The following UNC5C variants were observed in gnomAD, a reference collection of about 807,000 sequenced individuals.
UNC5C encodes netrin receptor UNC5C.
A neutral mutation model predicts 99.8 loss-of-function variants in UNC5C; 47 were observed. That is an observed-to-expected ratio of 0.47 (90% CI 0.37 to 0.60). The LOEUF is 0.60. Among genes scored for constraint, UNC5C ranks in the 20% least tolerant of loss-of-function variants. The probability of loss-of-function intolerance (pLI) is 0.00; values close to 1 mark genes in which losing one functional copy is unlikely to be tolerated. For missense variants in UNC5C, 1,062 were observed against 1,165.9 expected (o/e 0.91, Z 1.30); for synonymous variants, 487 against 452.2 (o/e 1.08, Z -0.98).
rs184368400 is a variant in UNC5C at position 95,439,474 on chromosome 4, A to G, written c.125-103843T>C. On this transcript the variant is annotated intron_variant, in intron 1 of 15. Coordinates refer to ENST00000453304, the MANE Select transcript of UNC5C (RefSeq NM_003728.4). ...ACAAGCATCCCCTTTGTTATTGGAT[A>G]TGGTTAGAGTCACAGATATGCTTTT... 2.1e-3 allele frequency among the ~76,000 whole-genome samples: 323 copies of G among 151,776 alleles called. 6 individuals are homozygous for G. The highest frequency in any genetic ancestry group is 0.016 in the Admixed American group (249 of 15,212).
intron 1 of UNC5C, among the ~76,000 whole-genome samples, chr4:95,341,443 T>A (rs931558993): frequency 1.4e-4 from 21 of 147,920 alleles, no homozygotes; most frequent in Non-Finnish European, 2.5e-4. Context: ...AATTATACCA[T>A]TTTTTTTATA....
intron 1 of UNC5C, among the ~76,000 whole-genome samples, chr4:95,537,394 G>A (rs1000150309): frequency 6.6e-6 from 1 of 152,106 alleles, no homozygotes; most frequent in East Asian, 1.9e-4. Flanking sequence ...GGAGGTTCTC[G>A]TAATACTTTA....
Position 95,183,284 on chromosome 4 carries a change from C to CT in UNC5C, c.2287-224dup, listed in dbSNP as rs1736691823. 2.0e-5 allele frequency among the ~76,000 whole-genome samples: 3 copies of CT among 151,928 alleles called. No homozygotes were observed. The South Asian group carries it at 6.2e-4, about 32-fold the overall frequency. On this transcript the variant is annotated intron_variant, in intron 13 of 15. Transcript: ENST00000453304. Reference sequence around the variant, plus strand: ...ATCACACAGCAAGTAAGTAGCAGGGCTGAGATTTGAACCTAAGGAGTCAGC... The same window carrying CT: ...ATCACACAGCAAGTAAGTAGCAGGGCTTGAGATTTGAACCTAAGGAGTCAGC...
intron 1 of UNC5C, among the ~76,000 whole-genome samples, chr4:95,450,487 T>A (rs1234780737): frequency 1.3e-5 from 2 of 152,232 alleles, no homozygotes; most frequent in Non-Finnish European, 2.9e-5. Flanking sequence ...ATTACAGGCA[T>A]AAGCCACTGC....
intron 7 of UNC5C, among the ~76,000 whole-genome samples, chr4:95,240,608 A>AT (rs1306196118): frequency 6.6e-6 from 1 of 151,606 alleles, no homozygotes; most frequent in African/African-American, 2.4e-5. Context: ...AAGAGACGTG[A>AT]TAAAAATACA....
intron 9 of UNC5C, among the ~76,000 whole-genome samples, chr4:95,216,815 T>C (rs1209386734): frequency 5.9e-5 from 9 of 152,250 alleles, no homozygotes; most frequent in Admixed American, 5.2e-4. Context: ...CTAAGCTAAC[T>C]GTGTCTGCTG....
At chr4:95,502,688 A>T (rs916293355) in intron 1 of UNC5C, among the ~76,000 whole-genome samples, 1 of 152,182 alleles carries the variant, frequency 6.6e-6, no homozygotes, top group Non-Finnish European at 1.5e-5. Context: ...CACTCAGTAC[A>T]TGTCAGTTAC....
At chr4:95,282,826 C>T (rs1373817400) in intron 3 of UNC5C, among the ~76,000 whole-genome samples, 1 of 152,038 alleles carries the variant, frequency 6.6e-6, no homozygotes, top group Non-Finnish European at 1.5e-5. Context: ...TTTATGGTCA[C>T]TTTTTACACA....
At chr4:95,384,124 A>G (rs1745145882) in intron 1 of UNC5C, among the ~76,000 whole-genome samples, 2 of 152,232 alleles carry the variant, frequency 1.3e-5, no homozygotes, top group Admixed American at 1.3e-4. Flanking sequence ...CTATGTTCCA[A>G]GCCCAAATAT....
intron 1 of UNC5C, among the ~76,000 whole-genome samples, chr4:95,478,481 C>A (rs557995959): frequency 2.6e-4 from 39 of 152,036 alleles, no homozygotes; most frequent in African/African-American, 9.4e-4. Context: ...TTCAAATTCA[C>A]CATATATCTC....
intron 11 of UNC5C, among the ~76,000 whole-genome samples, chr4:95,206,233 T>C (rs572945992): frequency 4.6e-5 from 7 of 151,886 alleles, no homozygotes; most frequent in Non-Finnish European, 2.9e-5. Flanking sequence ...ACTCCTGACC[T>C]CATGATCCGC....
intron 12 of UNC5C, among the ~76,000 whole-genome samples, chr4:95,185,882 G>A (rs1736809358): frequency 1.3e-5 from 2 of 152,114 alleles, no homozygotes; most frequent in Non-Finnish European, 2.9e-5. Flanking sequence ...GAACTAAACA[G>A]TTACTCCAAT....
rs1329457587 is a variant in UNC5C, at chr4:95,480,850, G to A, written c.124+67884C>T. Among the ~76,000 whole-genome samples the A allele has an allele frequency of 2.6e-5, 4 of 151,910 alleles. No homozygotes were observed. The East Asian group carries it at 7.8e-4, about 30-fold the overall frequency. On this transcript the variant is annotated intron_variant, in intron 1 of 15. Coordinates refer to ENST00000453304, the MANE Select transcript of UNC5C (RefSeq NM_003728.4). ...CTCTCAATAAATTAGGTATTGATGG[G>A]ACGTATCTCAAAATAATAAGAGCTA...
chr4:95,514,656 T>G (rs1043251403), intron 1 of UNC5C, among the ~76,000 whole-genome samples: 2 of 148,662 alleles, frequency 1.3e-5, no homozygotes, highest in African/African-American at 4.9e-5. Context: ...TATATATATA[T>G]ATACATATAT....
chr4:95,206,492 T>A lies in UNC5C; in HGVS notation c.1902+136A>T. 3 of 1,276,018 alleles carry A rather than the reference T, an allele frequency of 2.4e-6. No homozygotes were observed. The Admixed American group carries it at 6.6e-5, about 28-fold the overall frequency. The allele number at this position is 1,276,018 out of a possible 1,614,324, so 79.0% of individuals were successfully genotyped here. A position where few individuals can be genotyped will look rare whatever the true frequency, so the allele number is the denominator to read the frequency against. The stretch of plus-strand genomic sequence containing the variant: ...ACACTCAGGAACTAGTCTGCCTGCC[T>A]GTTTCTCTCTCATTTTGAGGGTGAG... On this transcript the variant is annotated intron_variant, in intron 11 of 15. Coordinates refer to ENST00000453304, the MANE Select transcript of UNC5C (RefSeq NM_003728.4).
chr4:95,249,393 C>T (rs1226145970), intron 5 of UNC5C, among the ~76,000 whole-genome samples: 1 of 152,132 alleles, frequency 6.6e-6, no homozygotes, highest in Non-Finnish European at 1.5e-5. Flanking sequence ...TCATTATGTT[C>T]TAAGAGGTGG....
At chr4:95,216,939 A>G (rs1251285760) in intron 9 of UNC5C, among the ~76,000 whole-genome samples, 1 of 152,230 alleles carries the variant, frequency 6.6e-6, no homozygotes, top group Non-Finnish European at 1.5e-5. Flanking sequence ...GGTGTGGGGT[A>G]GATTTTTTAG....
chr4:95,212,183 C>T (rs1738095508), intron 10 of UNC5C, among the ~76,000 whole-genome samples: 1 of 152,048 alleles, frequency 6.6e-6, no homozygotes, highest in Admixed American at 6.5e-5. Context: ...TCAGTTGCCA[C>T]ACTACTATCT....
chr4:95,206,868 A>T, intron 10 of UNC5C, 72 bp from the exon 11 acceptor site: 2 of 1,247,326 alleles, frequency 1.6e-6, no homozygotes, highest in South Asian at 2.0e-5. Context: ...TGGGTTCTGA[A>T]GGCAAACAGG....
Sources: gnomAD v4.1 joint callset for allele counts (sites outside exome capture counted in the v4.1 genomes callset) on GRCh38, gnomAD v4.1.1 for gene constraint, MANE v1.5 for transcripts, NCBI Gene and HGNC (gene_info 2026-07-23, HGNC 2026-07-21) for gene names.